The following MROH2B variants were observed in gnomAD, a reference collection of about 807,000 sequenced individuals.
MROH2B encodes the protein maestro heat-like repeat-containing protein family member 2B.
In MROH2B, 177 loss-of-function variants were observed where a neutral mutation model predicts 208.6. That is an observed-to-expected ratio of 0.85 (90% CI 0.75 to 0.96). The LOEUF is 0.96. Among genes scored for constraint, MROH2B ranks in the 40% least tolerant of loss-of-function variants. The pLI is 0.00. For synonymous variants in MROH2B, 728 were observed against 659.0 expected (o/e 1.10, Z -1.60); for missense variants, 2,002 against 1,878.7 (o/e 1.07, Z -1.21).
At position 41,045,850 on chromosome 5, in the gene MROH2B, G is replaced by A. The variant is rs1579945099; in HGVS notation, c.1732C>T (p.Leu578Phe). ...CTGATCTTCCATAAGGATTCTTTGA[G>A]CAACTGTTGTAGGAAGTGGAAGTTA... The part of the protein sequence containing the change: ...VLWETMLLQL[L>F]KESLWKISDV... The change falls in exon 18 of 42, where the codon CTC (leucine) becomes TTC (phenylalanine). Residue 578 changes from leucine (L) to phenylalanine (F), a missense_variant. Transcript: ENST00000399564. 6.2e-7 allele frequency: 1 copy of A among 1,610,360 alleles called. No individual in the cohort carries two copies. Among genetic ancestry groups the A allele is most frequent in the South Asian group, 1.1e-5 (1 of 90,528 alleles).
chr5:41,070,431 T>A (rs1179863939), intron 1 of MROH2B, among the ~76,000 whole-genome samples: 2 of 152,182 alleles, frequency 1.3e-5, no homozygotes, highest in African/African-American at 4.8e-5. Flanking sequence ...GATTTCTTAT[T>A]AACCTCCACA....
chr5:41,013,865 A>G lies in MROH2B; in HGVS notation c.2983-1130T>C, dbSNP rs142851221. ...TCTGTCATTTGCTGATCAATTACTC[A>G]TGTCTCTGCTACAGCCACCTTCCTT... is the stretch of plus-strand genomic sequence containing the variant. On this transcript the variant is annotated intron_variant, in intron 29 of 41. Coordinates refer to ENST00000399564, the MANE Select transcript of MROH2B (RefSeq NM_173489.5). Among the ~76,000 whole-genome samples the G allele has an allele frequency of 5.1e-4, 78 of 152,266 alleles. 1 individual carries two copies. The East Asian group carries it at 0.011, about 22-fold the overall frequency.
chr5:41,000,295 A>G lies in MROH2B; in HGVS notation c.4407T>C (p.Tyr1469=), dbSNP rs754903499. The change falls in exon 39 of 42, where the codon TAT becomes TAC. Residue 1469 remains tyrosine, a synonymous_variant. Coordinates refer to ENST00000399564, the MANE Select transcript of MROH2B (RefSeq NM_173489.5). ...CIPFLGLQEL[Y]GVLDRLLDQD... Reference sequence around the variant, plus strand: ...GATCAAGGAGACGGTCTAATACCCCATAGAGCTCCTGGAGGCCCAAAAAGG... The same window carrying G: ...GATCAAGGAGACGGTCTAATACCCCGTAGAGCTCCTGGAGGCCCAAAAAGG... 1.9e-6 allele frequency: 3 copies of G among 1,613,814 alleles called. No homozygotes were observed. Among genetic ancestry groups the G allele is most frequent in the Non-Finnish European group, 2.5e-6 (3 of 1,179,838 alleles).
chr5:41,045,721 G>T (rs768950260), intron 18 of MROH2B, 25 bp downstream of exon 18: 12 of 1,578,744 alleles, frequency 7.6e-6, no homozygotes, highest in South Asian at 3.3e-5. Context: ...AAAAGCTAAG[G>T]TTTCCCCTCA....
chr5:41,030,888 T>C (rs1378702392), intron 24 of MROH2B, among the ~76,000 whole-genome samples: 2 of 152,132 alleles, frequency 1.3e-5, no homozygotes, highest in African/African-American at 4.8e-5. Flanking sequence ...ATAAATTTTA[T>C]GTTTTATTTA....
At position 41,008,795 on chromosome 5, in the gene MROH2B, T is replaced by C. The variant is rs760114145; in HGVS notation, c.3421-2A>G. The C allele has an allele frequency of 2.5e-6, 4 of 1,606,488 alleles. No individual in the cohort carries two copies. The highest frequency in any genetic ancestry group is 3.4e-6 in the Non-Finnish European group (4 of 1,174,580). On this transcript the variant is annotated splice_acceptor_variant, in intron 32 of 41. Coordinates refer to ENST00000399564, the MANE Select transcript of MROH2B (RefSeq NM_173489.5). LOFTEE classifies it high-confidence loss of function. ...CACTTCATACATAGCACAGGCCACC[T>C]GAGGGGAGAAAGGGCCTCTTGGTCA...
chr5:41,009,081 G>A (rs1364780798), intron 32 of MROH2B, among the ~76,000 whole-genome samples, 199 bp downstream of exon 32: 2 of 152,054 alleles, frequency 1.3e-5, no homozygotes, highest in African/African-American at 4.8e-5. Flanking sequence ...TAGGTTTTTT[G>A]GGGGGTTGAT....
At chr5:41,007,892 T>C (rs972455701) in intron 33 of MROH2B, among the ~76,000 whole-genome samples, 7 of 152,220 alleles carry the variant, frequency 4.6e-5, no homozygotes, top group African/African-American at 1.7e-4. Flanking sequence ...ATTACCATCA[T>C]TTTAGTAAAG....
chr5:41,000,588 T>TCTGGCTC, intron 38 of MROH2B, 90 bp downstream of exon 38: 1 of 1,469,126 alleles, frequency 6.8e-7, no homozygotes, highest in East Asian at 2.4e-5. Context: ...TGACTTTAGA[T>TCTGGCTC]CTGGCTCCTG....
In MROH2B at chr5:41,015,451, T is replaced by G; in HGVS notation, c.2912A>C (p.Gln971Pro). The change falls in exon 29 of 42, where the codon CAG becomes CCG. Residue 971 changes from glutamine (Q) to proline (P), a missense_variant. Physicochemically the swap from Gln to Pro is moderately conservative, Grantham distance 76. Transcript: ENST00000399564. ...KGIHLEVERL[Q>P]GLQEGLESDD... is the part of the protein sequence containing the mutation. ...ACTTTCCAGCCCTTCCTGCAAACCC[T>G]GCAGTCTTTCCACTTCCAAGTGAAT... The G allele has an allele frequency of 6.2e-7, 1 of 1,613,592 alleles. No homozygotes were observed. The highest frequency in any genetic ancestry group is 8.5e-7 in the Non-Finnish European group (1 of 1,179,640).
intron 3 of MROH2B, 143 bp downstream of exon 3, chr5:41,066,965 A>G: frequency 3.1e-6 from 2 of 648,398 alleles, no homozygotes; most frequent in Non-Finnish European, 2.8e-6. Flanking sequence ...AATATCAGGC[A>G]TTATAACGAT....
At chr5:41,032,108 G>A (rs1405001310) in intron 24 of MROH2B, among the ~76,000 whole-genome samples, 1 of 152,060 alleles carries the variant, frequency 6.6e-6, no homozygotes, top group African/African-American at 2.4e-5. Context: ...TGGGATTGCT[G>A]GGTTGAATTG....
At chr5:41,004,205 A>T in intron 37 of MROH2B, 141 bp downstream of exon 37, 1 of 867,738 alleles carries the variant, frequency 1.2e-6, no homozygotes, top group Non-Finnish European at 1.8e-6. Context: ...CAGCTTGTAT[A>T]GAGATTGTCT....
At chr5:41,050,618 A>C (rs558727317) in intron 13 of MROH2B, among the ~76,000 whole-genome samples, 1 of 152,306 alleles carries the variant, frequency 6.6e-6, no homozygotes, top group African/African-American at 2.4e-5. Flanking sequence ...GTGAGGCCTG[A>C]GAATGGCTGC....
rs756798665 is a variant in MROH2B at position 41,055,787 on chromosome 5, G to C, written c.988C>G (p.Arg330Gly). Residue 330 changes from arginine (R) to glycine (G), a missense_variant, in exon 10 of 42, where the codon CGA (arginine) becomes GGA (glycine). Physicochemically the swap from Arg to Gly is moderately radical, Grantham distance 125. Coordinates refer to ENST00000399564, the MANE Select transcript of MROH2B (RefSeq NM_173489.5). Reference sequence around the variant, plus strand: ...CTTAACAAAGTCAAGATTCCCACTCGAATGGCTTCATTATTACTTCTTACT... The same window carrying C: ...CTTAACAAAGTCAAGATTCCCACTCCAATGGCTTCATTATTACTTCTTACT... ...EQVRSNNEAI[R>G]VGILTLLRLA... 1 of 1,613,762 alleles carries C rather than the reference G, an allele frequency of 6.2e-7. No homozygotes were observed. Among genetic ancestry groups the C allele is most frequent in the Non-Finnish European group, 8.5e-7 (1 of 1,179,816 alleles).
chr5:41,056,190 A>T (rs1309579303), intron 9 of MROH2B, among the ~76,000 whole-genome samples: 3 of 152,132 alleles, frequency 2.0e-5, no homozygotes, highest in African/African-American at 7.2e-5. Flanking sequence ...AGGAGAAGAG[A>T]CATGGGGCAC....
chr5:41,054,274 CT>C (rs1398019231), intron 11 of MROH2B, among the ~76,000 whole-genome samples: 1 of 152,168 alleles, frequency 6.6e-6, no homozygotes, highest in African/African-American at 2.4e-5. Flanking sequence ...GCCACTGCAC[CT>C]TAGAACACTT....
chr5:41,061,803 G>T, intron 5 of MROH2B, 79 bp from the exon 6 acceptor site: 1 of 1,408,140 alleles, frequency 7.1e-7, no homozygotes, highest in Non-Finnish European at 9.6e-7. Context: ...AGAAGAGAGT[G>T]CTGATGATTA....
Position 41,015,366 on chromosome 5 carries a change from C to G in MROH2B, c.2982+15G>C. On this transcript the variant is annotated intron_variant, in intron 29 of 41. Coordinates refer to ENST00000399564, the MANE Select transcript of MROH2B (RefSeq NM_173489.5). ...CCAGAATCTTTACATCCCCTGGCCA[C>G]TCCATATTTATTACCTTAGCTATTT... 6.2e-7 allele frequency: 1 copy of G among 1,608,104 alleles called. No individual in the cohort carries two copies. Among genetic ancestry groups the G allele is most frequent in the Non-Finnish European group, 8.5e-7 (1 of 1,175,278 alleles).
Sources: allele counts gnomAD v4.1 joint callset (sites outside exome capture counted in the v4.1 genomes callset), GRCh38; gene constraint gnomAD v4.1.1; transcripts MANE v1.5; gene names NCBI Gene and HGNC (gene_info 2026-07-23, HGNC 2026-07-21).